NUBPL: variants seen among roughly 807,000 people sequenced by gnomAD.
NUBPL encodes the protein NUBP iron-sulfur cluster assembly factor, mitochondrial.
A neutral mutation model predicts 45.7 loss-of-function variants in NUBPL; 31 were observed. That is an observed-to-expected ratio of 0.68 (90% CI 0.51 to 0.92). The LOEUF (loss-of-function observed/expected upper bound fraction) is 0.92, where lower values mean the gene tolerates loss of function less well. Among genes scored for constraint, NUBPL ranks in the 40% least tolerant of loss-of-function variants. The pLI, the probability that NUBPL is intolerant of heterozygous loss-of-function variation, is 0.00. For missense variants in NUBPL, 401 were observed against 398.7 expected (o/e 1.01, Z -0.05); for synonymous variants, 144 against 140.9 (o/e 1.02, Z -0.15).
intron 6 of NUBPL, among the ~76,000 whole-genome samples, chr14:31,701,002 A>G (rs2037324673): frequency 6.6e-6 from 1 of 152,234 alleles, no homozygotes; most frequent in South Asian, 2.1e-4. Flanking sequence ...AGACAAAGCC[A>G]GCTGGGCTCC....
intron 4 of NUBPL, among the ~76,000 whole-genome samples, chr14:31,657,246 G>T (rs1405958672): frequency 6.6e-6 from 1 of 152,058 alleles, no homozygotes; most frequent in African/African-American, 2.4e-5. Context: ...TGATGACTGT[G>T]CTTTTTATTA....
intron 6 of NUBPL, among the ~76,000 whole-genome samples, chr14:31,746,792 G>T (rs766052410): frequency 2.0e-5 from 3 of 151,820 alleles, no homozygotes; most frequent in Non-Finnish European, 4.4e-5. Context: ...GTTTGAGGCC[G>T]AGCATGGTGG....
intron 4 of NUBPL, among the ~76,000 whole-genome samples, chr14:31,599,711 T>G (rs1431283500): frequency 6.6e-6 from 1 of 152,112 alleles, no homozygotes; most frequent in Non-Finnish European, 1.5e-5. Context: ...ATATAATTAT[T>G]TACACAATTT....
intron 7 of NUBPL, among the ~76,000 whole-genome samples, chr14:31,820,592 G>A (rs1009703954): frequency 6.6e-6 from 1 of 152,184 alleles, no homozygotes; most frequent in African/African-American, 2.4e-5. Context: ...GGGAGGCAGA[G>A]ACAGGTGGAT....
chr14:31,714,906 A>G (rs2037654158), intron 6 of NUBPL: 1 of 152,242 alleles, frequency 6.6e-6, no homozygotes, highest in Non-Finnish European at 1.5e-5. Flanking sequence ...CCAGTTTTAA[A>G]AAACAACAAA....
chr14:31,577,570 C>T (rs910866538), intron 3 of NUBPL, among the ~76,000 whole-genome samples: 56 of 152,152 alleles, frequency 3.7e-4, no homozygotes, highest in Admixed American at 3.3e-3. Context: ...CCAGCCACCA[C>T]GCCCAGCTAA....
intron 3 of NUBPL, among the ~76,000 whole-genome samples, chr14:31,597,817 ATT>A (rs2034323417): frequency 6.6e-6 from 1 of 152,188 alleles, no homozygotes; most frequent in East Asian, 1.9e-4. Context: ...TAGTTATAGC[ATT>A]AGCAGAACTT....
At chr14:31,843,684 T>A (rs549559516) in intron 8 of NUBPL, 10 of 152,326 alleles carry the variant, frequency 6.6e-5, no homozygotes, top group African/African-American at 1.9e-4. Context: ...GGGAGACATG[T>A]GCTCCCTACT....
intron 7 of NUBPL, among the ~76,000 whole-genome samples, chr14:31,791,409 ATAAG>A (rs2039380058): frequency 1.3e-5 from 2 of 152,360 alleles, no homozygotes; most frequent in South Asian, 4.1e-4. Flanking sequence ...GAAGAAAAGG[ATAAG>A]TAAGTCTATT....
At chr14:31,672,565 C>T (rs905103555) in intron 4 of NUBPL, among the ~76,000 whole-genome samples, 10 of 152,012 alleles carry the variant, frequency 6.6e-5, no homozygotes, top group South Asian at 4.2e-4. Context: ...CAGGTCCAAG[C>T]GATTCTTTCA....
At chr14:31,593,318 C>G (rs1021646224) in intron 3 of NUBPL, among the ~76,000 whole-genome samples, 4 of 151,732 alleles carry the variant, frequency 2.6e-5, no homozygotes, top group Admixed American at 2.0e-4. Context: ...TTGAGACCAT[C>G]CTGGCTAACA....
chr14:31,697,955 T>C (rs1209767726), intron 6 of NUBPL, among the ~76,000 whole-genome samples: 1 of 152,114 alleles, frequency 6.6e-6, no homozygotes, highest in Non-Finnish European at 1.5e-5. Flanking sequence ...ACTGGGGCTA[T>C]TTAAGCTCCA....
At chr14:31,844,000 G>C (rs2138985991) in intron 8 of NUBPL, 1 of 152,274 alleles carries the variant, frequency 6.6e-6, no homozygotes, top group Middle Eastern at 3.4e-3. Flanking sequence ...CCAGTTACTG[G>C]CATATATTAA....
At position 31,581,047 on chromosome 14, in the gene NUBPL, C is replaced by T. The variant is rs192518900; in HGVS notation, c.291+15999C>T. On this transcript the variant is annotated intron_variant, in intron 3 of 10. Transcript: ENST00000281081. ...AATAAAAATAGAACAAGACGACTAG[C>T]TAGTAGCTAATGCCAGTGTGTAAGC... is the stretch of plus-strand genomic sequence containing the variant. Among the ~76,000 whole-genome samples, 16 of 152,254 alleles carry T rather than the reference C, an allele frequency of 1.1e-4. No individual in the cohort carries two copies. The East Asian group carries it at 2.1e-3, about 20-fold the overall frequency.
chr14:31,787,843 T>C lies in NUBPL; in HGVS notation c.577T>C (p.Leu193=). 1.2e-6 allele frequency: 2 copies of C among 1,612,758 alleles called. No homozygotes were observed. Among genetic ancestry groups the C allele is most frequent in the Non-Finnish European group, 1.7e-6 (2 of 1,178,836 alleles). Residue 193 remains leucine, a synonymous_variant, in exon 7 of 11, where the codon TTA becomes CTA. Coordinates refer to ENST00000281081, the MANE Select transcript of NUBPL (RefSeq NM_025152.3). ...GCCACCAGGAACTGGAGATGTGCAG[T>C]TATCAGTCTCACAGAATATTCCTAT... ...DMPPGTGDVQ[L]SVSQNIPITG...
intron 4 of NUBPL, among the ~76,000 whole-genome samples, chr14:31,644,915 T>C (rs758523474): frequency 1.3e-5 from 2 of 152,172 alleles, no homozygotes; most frequent in Non-Finnish European, 2.9e-5. Flanking sequence ...GTTTGTTCTT[T>C]TTTGCACAGT....
At chr14:31,791,592 T>C (rs556706676) in intron 7 of NUBPL, among the ~76,000 whole-genome samples, 19 of 152,170 alleles carry the variant, frequency 1.2e-4, no homozygotes, top group Non-Finnish European at 2.8e-4. Flanking sequence ...GCCCCAGCTC[T>C]AAGAGATAGA....
chr14:31,664,228 C>G (rs572027633), intron 4 of NUBPL, among the ~76,000 whole-genome samples: 1 of 152,262 alleles, frequency 6.6e-6, no homozygotes, highest in South Asian at 2.1e-4. Context: ...CACTTTATTT[C>G]TTTCTCTTGC....
At chr14:31,690,435 A>C (rs890788860) in intron 6 of NUBPL, among the ~76,000 whole-genome samples, 56 of 152,272 alleles carry the variant, frequency 3.7e-4, no homozygotes, top group African/African-American at 1.2e-3. Context: ...GCCACCCAGA[A>C]CCATATGAGT....
Sources: gnomAD v4.1 joint callset for allele counts (sites outside exome capture counted in the v4.1 genomes callset) on GRCh38, gnomAD v4.1.1 for gene constraint, MANE v1.5 for transcripts, NCBI Gene and HGNC (gene_info 2026-07-23, HGNC 2026-07-21) for gene names.